Variants in KCND2 observed in about 807,000 individuals in gnomAD.
KCND2 encodes A-type voltage-gated potassium channel KCND2.
In KCND2, 16 loss-of-function variants were observed where a neutral mutation model predicts 54.4. That is an observed-to-expected ratio of 0.29 (90% CI 0.20 to 0.45). The LOEUF is 0.45. KCND2 is among the 20% of genes least tolerant of loss of function. The pLI is 1.00. For synonymous variants in KCND2, 317 were observed against 310.7 expected, an observed-to-expected ratio of 1.02 and a Z score of -0.21; for missense variants, 486 against 824.2, an observed-to-expected ratio of 0.59 and a Z score of 5.02.
intron 1 of KCND2, among the ~76,000 whole-genome samples, chr7:120,474,240 A>C (rs12531042): frequency 0.26 from 40,195 of 152,098 alleles, 6,895 homozygotes; most frequent in East Asian, 0.49. Flanking sequence ...ATGGCAGCTC[A>C]AGCATCCCAC....
intron 1 of KCND2, among the ~76,000 whole-genome samples, chr7:120,350,637 A>G (rs75357174): frequency 7.1e-4 from 108 of 152,334 alleles, no homozygotes; most frequent in African/African-American, 2.6e-3. Flanking sequence ...GAATTTAAAG[A>G]TAACCCTGTG....
At chr7:120,597,185 T>C (rs1792756020) in intron 1 of KCND2, among the ~76,000 whole-genome samples, 1 of 152,238 alleles carries the variant, frequency 6.6e-6, no homozygotes, top group African/African-American at 2.4e-5. Context: ...GAATTGGAAA[T>C]GAATTAGACA....
At chr7:120,583,785 G>GT (rs1792551484) in intron 1 of KCND2, among the ~76,000 whole-genome samples, 2 of 9,344 alleles carry the variant, frequency 2.1e-4, no homozygotes, top group Non-Finnish European at 6.5e-4. Context: ...TAGGAATTGT[G>GT]GGGGGGGGGA....
At chr7:120,521,842 C>T (rs1791699714) in intron 1 of KCND2, among the ~76,000 whole-genome samples, 1 of 152,040 alleles carries the variant, frequency 6.6e-6, no homozygotes, top group African/African-American at 2.4e-5. Flanking sequence ...TAGCAAAACA[C>T]AGAAAAATAA....
chr7:120,516,810 C>A (rs1045388221), intron 1 of KCND2, among the ~76,000 whole-genome samples: 1 of 152,034 alleles, frequency 6.6e-6, no homozygotes, highest in Non-Finnish European at 1.5e-5. Context: ...TATTATACTT[C>A]TGAGCTTTTT....
At chr7:120,339,569 T>A (rs1160584521) in intron 1 of KCND2, among the ~76,000 whole-genome samples, 1 of 151,928 alleles carries the variant, frequency 6.6e-6, no homozygotes, top group Non-Finnish European at 1.5e-5. Context: ...GAGTAGGATA[T>A]AAGTTTGAGC....
At chr7:120,356,107 G>C (rs1346232583) in intron 1 of KCND2, among the ~76,000 whole-genome samples, 1 of 152,110 alleles carries the variant, frequency 6.6e-6, no homozygotes, top group Non-Finnish European at 1.5e-5. Context: ...AACCAGTCTC[G>C]ATGGGAGTAT....
At chr7:120,331,199 C>T (rs1442410186) in intron 1 of KCND2, among the ~76,000 whole-genome samples, 13 of 151,914 alleles carry the variant, frequency 8.6e-5, no homozygotes, top group Admixed American at 2.0e-4. Context: ...TTTTCACTCT[C>T]ATAATTAGAA....
At chr7:120,437,738 A>G (rs2116184709) in intron 1 of KCND2, among the ~76,000 whole-genome samples, 1 of 152,352 alleles carries the variant, frequency 6.6e-6, no homozygotes, top group Non-Finnish European at 1.5e-5. Flanking sequence ...CTGATATAGA[A>G]TATATGTTTC....
chr7:120,342,402 T>G (rs1260265971), intron 1 of KCND2, among the ~76,000 whole-genome samples: 1 of 152,188 alleles, frequency 6.6e-6, no homozygotes, highest in Non-Finnish European at 1.5e-5. Flanking sequence ...CAGGGTACTG[T>G]AACAAAGATA....
chr7:120,347,197 T>C (rs1800331987), intron 1 of KCND2, among the ~76,000 whole-genome samples: 1 of 152,220 alleles, frequency 6.6e-6, no homozygotes, highest in Non-Finnish European at 1.5e-5. Context: ...CTTTGATGCC[T>C]TTCTTTTTAT....
At chr7:120,305,284 A>G (rs557717481) in intron 1 of KCND2, among the ~76,000 whole-genome samples, 10 of 152,304 alleles carry the variant, frequency 6.6e-5, no homozygotes, top group South Asian at 4.1e-4. Context: ...GTTTAACCAG[A>G]CATAAATTCA....
At chr7:120,542,789 T>C (rs1476921163) in intron 1 of KCND2, among the ~76,000 whole-genome samples, 1 of 152,118 alleles carries the variant, frequency 6.6e-6, no homozygotes, top group Non-Finnish European at 1.5e-5. Context: ...AATACCAAAA[T>C]GATGTCTGTT....
chr7:120,375,840 A>C (rs1162684326), intron 1 of KCND2, among the ~76,000 whole-genome samples: 1 of 151,870 alleles, frequency 6.6e-6, no homozygotes, highest in Non-Finnish European at 1.5e-5. Context: ...CATGACCTAC[A>C]AAAGGAAACA....
At chr7:120,453,389 C>T (rs1802145969) in intron 1 of KCND2, among the ~76,000 whole-genome samples, 1 of 152,210 alleles carries the variant, frequency 6.6e-6, no homozygotes, top group African/African-American at 2.4e-5. Flanking sequence ...AGTGAACCAG[C>T]TCATGACACT....
Position 120,742,606 on chromosome 7 carries a change from A to C in KCND2, c.1467+4A>C, listed in dbSNP as rs750951689. 1 of 1,610,414 alleles carries C rather than the reference A, an allele frequency of 6.2e-7. No individual in the cohort carries two copies. Among genetic ancestry groups the C allele is most frequent in the Non-Finnish European group, 8.5e-7 (1 of 1,176,798 alleles). ...TCACTGCCTGGAAAAAACCACGGTA[A>C]GGAGACAGCATGACTGCCTTCCCTT... On this transcript the variant is annotated splice_donor_region_variant and intron_variant, in intron 4 of 5. Coordinates refer to ENST00000331113, the MANE Select transcript of KCND2 (RefSeq NM_012281.3).
intron 1 of KCND2, among the ~76,000 whole-genome samples, chr7:120,355,484 G>T (rs1250677629): frequency 6.6e-6 from 1 of 151,978 alleles, no homozygotes; most frequent in African/African-American, 2.4e-5. Flanking sequence ...GAGGTGGGGG[G>T]GTGCAATGAG....
chr7:120,310,657 G>T (rs746262036), intron 1 of KCND2, among the ~76,000 whole-genome samples: 2 of 152,070 alleles, frequency 1.3e-5, no homozygotes, highest in Non-Finnish European at 2.9e-5. Context: ...GTGGCTCACG[G>T]TTGTGGTGGC....
intron 1 of KCND2, among the ~76,000 whole-genome samples, chr7:120,587,022 A>G (rs186057773): frequency 6.6e-6 from 1 of 152,232 alleles, no homozygotes; most frequent in East Asian, 1.9e-4. Context: ...CCAAATAGGG[A>G]TTTTAAATTA....
Sources: allele counts gnomAD v4.1 joint callset (sites outside exome capture counted in the v4.1 genomes callset), GRCh38; gene constraint gnomAD v4.1.1; transcripts MANE v1.5; gene names NCBI Gene and HGNC (gene_info 2026-07-23, HGNC 2026-07-21).